ST6GALNAC3: variants seen among roughly 807,000 people sequenced by gnomAD.
ST6GALNAC3 encodes alpha-N-acetylgalactosaminide alpha-2,6-sialyltransferase 3.
Under a neutral mutation model 32.7 loss-of-function variants are expected in ST6GALNAC3, and 25 were observed. That is an observed-to-expected ratio of 0.76 (90% CI 0.56 to 1.07). ST6GALNAC3 has a LOEUF of 1.07. Among genes scored for constraint, ST6GALNAC3 ranks in the 50% least tolerant of loss-of-function variants. The pLI, the probability that ST6GALNAC3 is intolerant of heterozygous loss-of-function variation, is 0.00. For missense variants in ST6GALNAC3, 355 were observed against 382.4 expected, an observed-to-expected ratio of 0.93 and a Z score of 0.60; for synonymous variants, 129 against 133.1, an observed-to-expected ratio of 0.97 and a Z score of 0.21.
intron 1 of ST6GALNAC3, among the ~76,000 whole-genome samples, chr1:76,076,596 G>A (rs1646819488): frequency 6.6e-6 from 1 of 152,154 alleles, no homozygotes; most frequent in African/African-American, 2.4e-5. Context: ...AAATAAGATA[G>A]GGTATGAAAA....
intron 3 of ST6GALNAC3, among the ~76,000 whole-genome samples, chr1:76,499,952 T>C (rs1174542908): frequency 6.6e-6 from 1 of 152,064 alleles, no homozygotes; most frequent in Non-Finnish European, 1.5e-5. Flanking sequence ...ATGCGATCCT[T>C]AAGAATGGGG....
chr1:76,366,707 T>C (rs1472886507), intron 2 of ST6GALNAC3, among the ~76,000 whole-genome samples: 1 of 24,954 alleles, frequency 4.0e-5, no homozygotes, highest in African/African-American at 7.1e-5. Context: ...CACATGTCCC[T>C]GGTCTGGCAA....
intron 1 of ST6GALNAC3, among the ~76,000 whole-genome samples, chr1:76,218,031 C>T (rs1232384505): frequency 6.6e-6 from 1 of 151,882 alleles, no homozygotes; most frequent in Non-Finnish European, 1.5e-5. Context: ...GGTAGATACC[C>T]AGGAGTGGAA....
At chr1:76,294,686 G>GT (rs1282865948) in intron 1 of ST6GALNAC3, among the ~76,000 whole-genome samples, 2 of 149,918 alleles carry the variant, frequency 1.3e-5, no homozygotes, top group East Asian at 3.9e-4. Context: ...TCAGAAAAGA[G>GT]TAAGTTTTTT....
chr1:76,629,375 G>C lies in ST6GALNAC3; in HGVS notation c.*569G>C, dbSNP rs1249057515. On this transcript the variant is annotated 3_prime_UTR_variant, in exon 5 of 5. Coordinates refer to ENST00000328299, the MANE Select transcript of ST6GALNAC3 (RefSeq NM_152996.4). ...AGTATTTCCTACAGCTAAAGCCTCA[G>C]GCCATTGCCTAATTAACAATGAAGA... 5.1e-6 allele frequency: 5 copies of C among 985,192 alleles called. No homozygotes were observed. The highest frequency in any genetic ancestry group is 6.0e-6 in the Non-Finnish European group (5 of 829,714). The allele number at this position is 985,192 out of a possible 1,614,324, so 61.0% of individuals were successfully genotyped here.
chr1:76,538,810 G>A (rs751441125), intron 3 of ST6GALNAC3, among the ~76,000 whole-genome samples: 1 of 151,930 alleles, frequency 6.6e-6, no homozygotes, highest in Non-Finnish European at 1.5e-5. Context: ...TAGCTAACAC[G>A]GTATGTGAAG....
intron 3 of ST6GALNAC3, among the ~76,000 whole-genome samples, chr1:76,441,683 C>G (rs988290529): frequency 3.9e-5 from 6 of 152,064 alleles, no homozygotes; most frequent in Non-Finnish European, 7.4e-5. Flanking sequence ...ACTATAGTCA[C>G]CCTTTATTCT....
intron 3 of ST6GALNAC3, among the ~76,000 whole-genome samples, chr1:76,617,662 A>G (rs1648388879): frequency 6.6e-6 from 1 of 152,204 alleles, no homozygotes; most frequent in South Asian, 2.1e-4. Flanking sequence ...AGTTGGAAGT[A>G]AAGTCCCTAA....
chr1:76,135,484 C>G (rs1649885800), intron 1 of ST6GALNAC3, among the ~76,000 whole-genome samples: 2 of 152,186 alleles, frequency 1.3e-5, no homozygotes, highest in South Asian at 4.1e-4. Flanking sequence ...ATTATTATCC[C>G]TATTTTGCAG....
intron 3 of ST6GALNAC3, among the ~76,000 whole-genome samples, chr1:76,581,696 T>A (rs1646894093): frequency 6.6e-6 from 1 of 151,740 alleles, no homozygotes; most frequent in South Asian, 2.1e-4. Context: ...ATTTCATATT[T>A]TTCAACCTTC....
At chr1:76,460,912 A>G (rs1194478394) in intron 3 of ST6GALNAC3, among the ~76,000 whole-genome samples, 3 of 152,202 alleles carry the variant, frequency 2.0e-5, no homozygotes, top group African/African-American at 7.2e-5. Flanking sequence ...TGATTTTATT[A>G]AGTATTTTGG....
At position 76,509,132 on chromosome 1, in the gene ST6GALNAC3, G is replaced by A. The variant is rs964796876; in HGVS notation, c.623+96715G>A. The stretch of plus-strand genomic sequence containing the variant: ...ACAGAGTTGTTCGTCAATTGTTGAT[G>A]TAGTGTAAAATGATTTTAATGCTTG... On this transcript the variant is annotated intron_variant, in intron 3 of 4. Transcript: ENST00000328299. The surrounding 1 kb of genome is among the most constrained non-coding windows in gnomAD (Gnocchi z 5.5). 2.0e-5 allele frequency among the ~76,000 whole-genome samples: 3 copies of A among 152,232 alleles called. No homozygotes were observed. Among genetic ancestry groups the A allele is most frequent in the African/African-American group, 7.2e-5 (3 of 41,456 alleles).
At chr1:76,476,269 A>G (rs1437992915) in intron 3 of ST6GALNAC3, among the ~76,000 whole-genome samples, 1 of 152,220 alleles carries the variant, frequency 6.6e-6, no homozygotes, top group Non-Finnish European at 1.5e-5. Flanking sequence ...TTAGCTTTGC[A>G]GGCCACATAC....
intron 3 of ST6GALNAC3, among the ~76,000 whole-genome samples, chr1:76,426,883 A>G (rs1319301103): frequency 1.3e-5 from 2 of 151,990 alleles, no homozygotes; most frequent in African/African-American, 4.8e-5. Context: ...TATGCGGCTC[A>G]TCTCTGACTG....
chr1:76,630,635 T>C lies in ST6GALNAC3; in HGVS notation c.*1829T>C, dbSNP rs545677637. 2.0e-6 allele frequency: 2 copies of C among 985,660 alleles called. No homozygotes were observed. The highest frequency in any genetic ancestry group is 1.1e-4 in the East Asian group (1 of 8,808). The allele number at this position is 985,660 out of a possible 1,614,324, so 61.1% of individuals were successfully genotyped here. ...AGGTCTTTACTAGTGCTAAGTATTA[T>C]GGTGAGCTATCATTAAAGTGTGCCA... On this transcript the variant is annotated 3_prime_UTR_variant, in exon 5 of 5. Transcript: ENST00000328299.
chr1:76,485,034 G>A (rs1465727477), intron 3 of ST6GALNAC3, among the ~76,000 whole-genome samples: 2 of 152,152 alleles, frequency 1.3e-5, no homozygotes, highest in South Asian at 2.1e-4. Flanking sequence ...TTATTGATTT[G>A]CATACGTCAA....
intron 2 of ST6GALNAC3, among the ~76,000 whole-genome samples, chr1:76,367,187 A>G (rs1223503817): frequency 1.3e-5 from 2 of 152,186 alleles, no homozygotes; most frequent in African/African-American, 2.4e-5. Flanking sequence ...AGTAAACTAT[A>G]TGTGAAATTT....
intron 3 of ST6GALNAC3, among the ~76,000 whole-genome samples, chr1:76,559,250 G>A (rs1665107025): frequency 6.6e-6 from 1 of 152,090 alleles, no homozygotes; most frequent in African/African-American, 2.4e-5. Context: ...ATATTAAGTG[G>A]AATGAATCTT....
chr1:76,627,026 A>C (rs1649010894), intron 3 of ST6GALNAC3, among the ~76,000 whole-genome samples: 1 of 151,980 alleles, frequency 6.6e-6, no homozygotes, highest in South Asian at 2.1e-4. Flanking sequence ...GAAAGTAGTA[A>C]TATGTCCAGT....
Sources: gnomAD v4.1 joint callset for allele counts (sites outside exome capture counted in the v4.1 genomes callset) on GRCh38, gnomAD v4.1.1 for gene constraint, Gnocchi (gnomAD v3.1) non-coding constraint, MANE v1.5 for transcripts, NCBI Gene and HGNC (gene_info 2026-07-23, HGNC 2026-07-21) for gene names.